The following HTT variants were observed in gnomAD, a reference collection of about 807,000 sequenced individuals.
HTT encodes the protein huntingtin.
In HTT, 104 loss-of-function variants were observed where a neutral mutation model predicts 362.3. The observed-to-expected ratio is 0.29, with a 90% CI of 0.24 to 0.34. The LOEUF is 0.34. Among genes scored for constraint, HTT ranks in the 10% least tolerant of loss-of-function variants. HTT has a pLI of 1.00. For missense variants in HTT, 3,301 were observed against 3,928.6 expected, an observed-to-expected ratio of 0.84 and a Z score of 4.27; for synonymous variants, 1,577 against 1,548.7, an observed-to-expected ratio of 1.02 and a Z score of -0.43.
Position 3,222,458 on chromosome 4 carries a change from G to A in HTT, c.7441G>A (p.Val2481Met), listed in dbSNP as rs1443600938. ...LLGVLVTQPL[V>M]MEQEESPPEE... is the part of the protein sequence containing the mutation. The stretch of plus-strand genomic sequence containing the variant: ...TGGTGTCCTGGTGACGCAGCCCCTC[G>A]TGATGGAGCAGGAGGAGAGCCCACC... Residue 2481 changes from valine (V) to methionine (M), a missense_variant, in exon 54 of 67, where the codon GTG (valine) becomes ATG (methionine). Val to Met is a conservative substitution (Grantham distance 21). Transcript: ENST00000355072. 8.1e-6 allele frequency: 13 copies of A among 1,614,034 alleles called. No homozygotes were observed. Among genetic ancestry groups the A allele is most frequent in the East Asian group, 6.7e-5 (3 of 44,894 alleles).
chr4:3,199,096 C>T (rs767261583), intron 40 of HTT, among the ~76,000 whole-genome samples: 75 of 152,324 alleles, frequency 4.9e-4, no homozygotes, highest in African/African-American at 9.9e-4. Context: ...TGATTCGAGG[C>T]GCTGAGTGTT....
chr4:3,075,218 C>A, intron 1 of HTT, 130 bp downstream of exon 1: 1 of 939,546 alleles, frequency 1.1e-6, no homozygotes, highest in Non-Finnish European at 1.4e-6. Context: ...GACCCAGCAA[C>A]CCAGAGCCCA....
chr4:3,204,224 A>G (rs1353182027), intron 42 of HTT, 76 bp downstream of exon 42: 3 of 1,515,098 alleles, frequency 2.0e-6, no homozygotes, highest in African/African-American at 1.4e-5. Context: ...TGACACTTGC[A>G]TGGACCCTCT....
rs1421653532 is a variant in HTT at position 3,208,893 on chromosome 4, A to G, written c.6273A>G (p.Glu2091=). ...PLDGDGHVSL[E]TVSPDKDWYV... ...ACGGGGATGGGCACGTGTCACTGGA[A>G]ACAGTGAGTCCGGACAAAGTAAGTG... The change falls in exon 46 of 67, where the codon GAA becomes GAG. Residue 2091 remains glutamate, a synonymous_variant. Transcript: ENST00000355072. 2 of 1,612,738 alleles carry G rather than the reference A, an allele frequency of 1.2e-6. No individual in the cohort carries two copies. The highest frequency in any genetic ancestry group is 3.3e-5 in the Admixed American group (2 of 59,774).
At chr4:3,203,919 T>A (rs1407005109) in intron 41 of HTT, 88 bp from the exon 42 acceptor site, 8 of 1,305,768 alleles carry the variant, frequency 6.1e-6, no homozygotes, top group Non-Finnish European at 8.7e-6. Flanking sequence ...GTTTTAGAAC[T>A]AGAATTAAAC....
chr4:3,079,903 G>A (rs1033973165), intron 1 of HTT, among the ~76,000 whole-genome samples: 1 of 152,204 alleles, frequency 6.6e-6, no homozygotes. Context: ...TTTTGAATGC[G>A]GAACCAACTG....
intron 41 of HTT, among the ~76,000 whole-genome samples, chr4:3,203,342 G>A (rs1719678394): frequency 6.6e-6 from 1 of 152,250 alleles, no homozygotes. Context: ...TGCCGCAATG[G>A]GAAGGACGTC....
intron 36 of HTT, among the ~76,000 whole-genome samples, chr4:3,182,153 C>T (rs1718552359): frequency 1.3e-5 from 2 of 152,212 alleles, no homozygotes; most frequent in African/African-American, 4.8e-5. Context: ...CCTAGAGGAA[C>T]TTGTGTTTCG....
intron 61 of HTT, among the ~76,000 whole-genome samples, chr4:3,233,982 GGA>G (rs1721395940): frequency 6.6e-6 from 1 of 152,264 alleles, no homozygotes; most frequent in African/African-American, 2.4e-5. Context: ...TCTGCACACG[GGA>G]GCTGTCTTTA....
chr4:3,201,614 GGTAAT>G (rs939678317), intron 41 of HTT, among the ~76,000 whole-genome samples: 1 of 151,662 alleles, frequency 6.6e-6, no homozygotes, highest in African/African-American at 2.4e-5. Flanking sequence ...GTTCTTTAAT[GGTAAT>G]GTAAAGGTAA....
intron 28 of HTT, among the ~76,000 whole-genome samples, chr4:3,157,446 G>A (rs1717206731): frequency 6.6e-6 from 1 of 152,198 alleles, no homozygotes; most frequent in Admixed American, 6.5e-5. Context: ...AGGATGTGCA[G>A]CCAGGTTATA....
intron 37 of HTT, among the ~76,000 whole-genome samples, chr4:3,185,635 A>G (rs918824257): frequency 6.6e-6 from 1 of 152,216 alleles, no homozygotes; most frequent in Non-Finnish European, 1.5e-5. Flanking sequence ...TGTTCTGGCC[A>G]GGTGTGGTGG....
intron 1 of HTT, among the ~76,000 whole-genome samples, chr4:3,081,864 C>G (rs1712928751): frequency 6.6e-6 from 1 of 151,720 alleles, no homozygotes; most frequent in African/African-American, 2.4e-5. Flanking sequence ...TGCTGGAAAG[C>G]ATTTCTTTTT....
intron 18 of HTT, among the ~76,000 whole-genome samples, chr4:3,133,173 C>T (rs958566887): frequency 3.3e-5 from 5 of 151,948 alleles, no homozygotes; most frequent in Admixed American, 6.6e-5. Context: ...TAGAAATAAC[C>T]TATCATTAAG....
chr4:3,138,371 G>GT (rs1560564898), intron 21 of HTT, among the ~76,000 whole-genome samples: 1 of 152,046 alleles, frequency 6.6e-6, no homozygotes, highest in Non-Finnish European at 1.5e-5. Context: ...CCAATATGTA[G>GT]TTTTTTGTCC....
Position 3,238,741 on chromosome 4 carries a change from AC to A in HTT, c.9055-72del, listed in dbSNP as rs890430144. On this transcript the variant is annotated intron_variant, in intron 65 of 66. Transcript: ENST00000355072. Reference sequence around the variant, plus strand: ...CAGCAATGCCTCTGGCCCCCACCCCACCCCCGCCACCCAGGCGCAGCAGGTG... The same window carrying A: ...CAGCAATGCCTCTGGCCCCCACCCCACCCCGCCACCCAGGCGCAGCAGGTG... 4.8e-5 allele frequency: 23 copies of A among 483,586 alleles called. No homozygotes were observed. The African/African-American group carries it at 6.0e-4, about 13-fold the overall frequency. 30.0% of individuals were successfully genotyped at this position (483,586 alleles called of 1,614,324 possible). A position where few individuals can be genotyped will look rare whatever the true frequency, so the allele number is the denominator to read the frequency against.
intron 26 of HTT, 139 bp from the exon 27 acceptor site, chr4:3,154,154 G>A: frequency 1.5e-6 from 1 of 647,238 alleles, no homozygotes; most frequent in Admixed American, 2.8e-5. Flanking sequence ...GTACATATCA[G>A]GGTCCAAGAA....
chr4:3,089,980 T>G (rs1442876722), intron 2 of HTT, among the ~76,000 whole-genome samples: 1 of 152,228 alleles, frequency 6.6e-6, no homozygotes, highest in East Asian at 1.9e-4. Flanking sequence ...CTTGGTTTCA[T>G]AGGATACACT....
At position 3,107,320 on chromosome 4, in the gene HTT, G is replaced by A. The variant is rs200499945; in HGVS notation, c.644G>A (p.Arg215Gln). 9 of 1,614,072 alleles carry A rather than the reference G, an allele frequency of 5.6e-6. No individual in the cohort carries two copies. The highest frequency in any genetic ancestry group is 1.6e-4 in the Middle Eastern group (1 of 6,084). Reference protein sequence around the residue: ...YLVNLLPCLTRTSKRPEESVQ... With the variant: ...YLVNLLPCLTQTSKRPEESVQ... Reference sequence around the variant, plus strand: ...GTGAACCTTCTGCCGTGCCTGACTCGAACAAGCAAGAGACCCGAAGAATCA... The same window carrying A: ...GTGAACCTTCTGCCGTGCCTGACTCAAACAAGCAAGAGACCCGAAGAATCA... Residue 215 changes from arginine (R) to glutamine (Q), a missense_variant, in exon 6 of 67, where the codon CGA (arginine) becomes CAA (glutamine). By Grantham distance (43) the Arg-to-Gln change is conservative. Transcript: ENST00000355072.
Sources: gnomAD v4.1 joint callset for allele counts (sites outside exome capture counted in the v4.1 genomes callset) on GRCh38, gnomAD v4.1.1 for gene constraint, MANE v1.5 for transcripts, NCBI Gene and HGNC (gene_info 2026-07-23, HGNC 2026-07-21) for gene names.